TMED8: variants seen among roughly 807,000 people sequenced by gnomAD.
TMED8 encodes protein TMED8.
In TMED8, 15 loss-of-function variants were observed where a neutral mutation model predicts 32.7. The observed-to-expected ratio is 0.46, with a 90% CI of 0.31 to 0.71. TMED8 has a LOEUF of 0.71. Among genes scored for constraint, TMED8 ranks in the 30% least tolerant of loss-of-function variants. The pLI, the probability that TMED8 is intolerant of heterozygous loss-of-function variation, is 0.06. For missense variants in TMED8, 390 were observed against 423.9 expected (o/e 0.92, Z 0.70); for synonymous variants, 147 against 161.4 (o/e 0.91, Z 0.68).
In TMED8 at chr14:77,346,760, GTTTTTTTTT is replaced by G; in HGVS notation, c.198-291_198-283del. Among the ~76,000 whole-genome samples, 9 of 69,442 alleles carry G rather than the reference GTTTTTTTTT, an allele frequency of 1.3e-4. No individual in the cohort carries two copies. The East Asian group carries it at 2.7e-3, about 21-fold the overall frequency. The allele number at this position is 69,442 out of a possible 152,430, so 45.6% of individuals were successfully genotyped here. A position where few individuals can be genotyped will look rare whatever the true frequency, so the allele number is the denominator to read the frequency against. On this transcript the variant is annotated intron_variant, in intron 2 of 5. Transcript: ENST00000216468. ...TCATCTGAGATGGACTGCTGGTCTG[GTTTTTTTTT>G]TTTTTTTTTTTTTTTGTCATTGTTG... is the stretch of plus-strand genomic sequence containing the variant.
At chr14:77,372,935 T>C (rs1594856638) in intron 1 of TMED8, among the ~76,000 whole-genome samples, 1 of 33,748 alleles carries the variant, frequency 3.0e-5, no homozygotes, top group Middle Eastern at 7.2e-3. Context: ...TATATATATA[T>C]ATATATATAT....
Position 77,341,935 on chromosome 14 carries a change from G to A in TMED8, c.814C>T (p.Arg272Cys), listed in dbSNP as rs767490475. 23 of 1,613,902 alleles carry A rather than the reference G, an allele frequency of 1.4e-5. No individual in the cohort carries two copies. Among genetic ancestry groups the A allele is most frequent in the African/African-American group, 2.7e-5 (2 of 74,912 alleles). Residue 272 changes from arginine to cysteine, a missense_variant, in exon 6 of 6, where the codon CGC becomes TGC. By Grantham distance (180) the Arg-to-Cys change is radical (BLOSUM62 -3). Coordinates refer to ENST00000216468, the MANE Select transcript of TMED8 (RefSeq NM_213601.3). Reference protein sequence around the residue: ...ERGSRSSLRGRYGEVMPVYRR... With the variant: ...ERGSRSSLRGCYGEVMPVYRR... ...TACACAGGCATGACCTCCCCATAGC[G>A]ACCCCGCAAGGAGCTCCTGGAGCCT...
Position 77,337,704 on chromosome 14 carries a change from T to C in TMED8, c.*4067A>G, listed in dbSNP as rs550879146. 1.3e-5 allele frequency: 2 copies of C among 152,322 alleles called. No homozygotes were observed. The highest frequency in any genetic ancestry group is 4.1e-4 in the South Asian group (2 of 4,830). 9.4% of individuals were successfully genotyped at this position (152,322 alleles called of 1,614,324 possible). ...CGGCGCCTGGCCTCCAAGAAACATT[T>C]TTATGAAGACCACCTCCTGGGTAAC... On this transcript the variant is annotated 3_prime_UTR_variant, in exon 6 of 6. Transcript: ENST00000216468.
At chr14:77,355,775 T>C (rs1462352230) in intron 1 of TMED8, among the ~76,000 whole-genome samples, 2 of 152,198 alleles carry the variant, frequency 1.3e-5, no homozygotes, top group East Asian at 1.9e-4. Context: ...GCAGTTCCTA[T>C]GATCAAGGTA....
Position 77,343,681 on chromosome 14 carries a change from C to T in TMED8, c.454+16G>A. On this transcript the variant is annotated intron_variant, in intron 4 of 5. Coordinates refer to ENST00000216468, the MANE Select transcript of TMED8 (RefSeq NM_213601.3). ...TACTGGAAACAAACCACCTCCTTTA[C>T]TCCCAAAGGTCTCACCTTTCCTGTG... The T allele has an allele frequency of 6.2e-7, 1 of 1,613,968 alleles. No homozygotes were observed. Among genetic ancestry groups the T allele is most frequent in the Non-Finnish European group, 8.5e-7 (1 of 1,179,938 alleles).
In TMED8 at chr14:77,352,443, T is replaced by TA. The variant is rs201514651; in HGVS notation, c.119-693dup. 5.7e-3 allele frequency among the ~76,000 whole-genome samples: 758 copies of TA among 133,572 alleles called. 2 individuals are homozygous for TA. The highest frequency in any genetic ancestry group is 0.019 in the African/African-American group (680 of 35,784). The allele number at this position is 133,572 out of a possible 152,430, so 87.6% of individuals were successfully genotyped here. A position where few individuals can be genotyped will look rare whatever the true frequency, so the allele number is the denominator to read the frequency against. ...AATAATAATAATAAATTTTAAAAAT[T>TA]AAAAAAAAAATAGGGCCAGGCACGG... On this transcript the variant is annotated intron_variant, in intron 1 of 5. Transcript: ENST00000216468.
intron 1 of TMED8, among the ~76,000 whole-genome samples, chr14:77,362,678 C>T (rs567281170): frequency 1.3e-5 from 2 of 152,052 alleles, no homozygotes; most frequent in Admixed American, 6.5e-5. Flanking sequence ...TTAGAAGACA[C>T]CGAGTGGGTG....
rs1594846675 is a variant in TMED8 at position 77,354,563 on chromosome 14, T to TA, written c.119-2813dup. Among the ~76,000 whole-genome samples the TA allele has an allele frequency of 2.6e-5, 4 of 151,938 alleles. No homozygotes were observed. In the East Asian group the frequency reaches 7.7e-4, roughly 29 times the overall value. The stretch of plus-strand genomic sequence containing the variant: ...TATACAGATAATCCATTGTTCACTG[T>TA]AAAAAAAATAAATCAGGAAATACAG... On this transcript the variant is annotated intron_variant, in intron 1 of 5. Transcript: ENST00000216468.
At chr14:77,354,264 G>A (rs1389514903) in intron 1 of TMED8, among the ~76,000 whole-genome samples, 1 of 152,102 alleles carries the variant, frequency 6.6e-6, no homozygotes, top group African/African-American at 2.4e-5. Flanking sequence ...CAAACTTACT[G>A]TTGGCCTAAA....
In TMED8 at chr14:77,335,378, A is replaced by C. The variant is rs1349831923; in HGVS notation, c.*6393T>G. 5.3e-5 allele frequency: 8 copies of C among 152,224 alleles called. No individual in the cohort carries two copies. The highest frequency in any genetic ancestry group is 1.2e-4 in the African/African-American group (5 of 41,458). 9.4% of individuals were successfully genotyped at this position (152,224 alleles called of 1,614,324 possible). A position where few individuals can be genotyped will look rare whatever the true frequency, so the allele number is the denominator to read the frequency against. ...GTTGGGATACTTTTGTATTTTAAAG[A>C]AAAAAGATAAAACAGTGACACGGTT... On this transcript the variant is annotated 3_prime_UTR_variant, in exon 6 of 6. Coordinates refer to ENST00000216468, the MANE Select transcript of TMED8 (RefSeq NM_213601.3).
intron 2 of TMED8, among the ~76,000 whole-genome samples, chr14:77,346,694 A>G (rs1893044555): frequency 6.7e-6 from 1 of 149,922 alleles, no homozygotes; most frequent in African/African-American, 2.4e-5. Flanking sequence ...TAACAAGGCC[A>G]GGTCAAAGGC....
At chr14:77,371,436 T>C (rs1310356721) in intron 1 of TMED8, among the ~76,000 whole-genome samples, 14 of 152,272 alleles carry the variant, frequency 9.2e-5, no homozygotes, top group Admixed American at 9.2e-4. Context: ...CAACTTAATG[T>C]ATACTGGAAA....
In TMED8 at chr14:77,376,280, C is replaced by A. The variant is rs1893812661; in HGVS notation, c.118+656G>T. Among the ~76,000 whole-genome samples, 1 of 152,212 alleles carries A rather than the reference C, an allele frequency of 6.6e-6. No homozygotes were observed. Among genetic ancestry groups the A allele is most frequent in the African/African-American group, 2.4e-5 (1 of 41,460 alleles). On this transcript the variant is annotated intron_variant, in intron 1 of 5. Transcript: ENST00000216468. This position sits in a 1 kb window ranked among gnomAD's most constrained non-coding sequence, Gnocchi z 4.0. ...GGGTCTTGAGAATGAGGGAGGTAGG[C>A]CAAATTTTTAATTCCTGCTCTTGCT... is the stretch of plus-strand genomic sequence containing the variant.
chr14:77,341,947 A>T lies in TMED8; in HGVS notation c.802T>A (p.Ser268Thr), dbSNP rs757430034. 6.2e-7 allele frequency: 1 copy of T among 1,614,032 alleles called. No individual in the cohort carries two copies. Among genetic ancestry groups the T allele is most frequent in the Admixed American group, 1.7e-5 (1 of 60,016 alleles). Residue 268 changes from serine to threonine, a missense_variant, in exon 6 of 6, where the codon TCC (serine) becomes ACC (threonine). By Grantham distance (58) the Ser-to-Thr change is moderately conservative. Transcript: ENST00000216468. ...AGDVERGSRS[S>T]LRGRYGEVMP... ...ACCTCCCCATAGCGACCCCGCAAGGAGCTCCTGGAGCCTCTCTCCACATCT... is the reference window on the plus strand; with the variant it reads ...ACCTCCCCATAGCGACCCCGCAAGGTGCTCCTGGAGCCTCTCTCCACATCT...
intron 1 of TMED8, among the ~76,000 whole-genome samples, chr14:77,357,948 AC>A (rs1316057326): frequency 6.6e-6 from 1 of 151,728 alleles, no homozygotes; most frequent in Non-Finnish European, 1.5e-5. Flanking sequence ...ACATGGTGAA[AC>A]CCCATCTCTA....
At chr14:77,368,705 G>A (rs760826066) in intron 1 of TMED8, among the ~76,000 whole-genome samples, 7 of 152,122 alleles carry the variant, frequency 4.6e-5, no homozygotes, top group Non-Finnish European at 1.0e-4. Flanking sequence ...TCGAACTCCT[G>A]ACCTCATGAT....
rs1411138683 is a variant in TMED8 at position 77,377,029 on chromosome 14, C to T, written c.25G>A (p.Gly9Arg). MSDLQAAEGPGSWSPTARP... is the reference protein window; with the variant it reads MSDLQAAERPGSWSPTARP... Reference sequence around the variant, plus strand: ...GCTGTGGGGCTCCAGGAGCCCGGCCCCTCAGCCGCCTGCAGGTCAGACATC... The same window carrying T: ...GCTGTGGGGCTCCAGGAGCCCGGCCTCTCAGCCGCCTGCAGGTCAGACATC... The change falls in exon 1 of 6, where the codon GGG becomes AGG. Residue 9 changes from glycine to arginine, a missense_variant. By Grantham distance (125) the Gly-to-Arg change is moderately radical. Coordinates refer to ENST00000216468, the MANE Select transcript of TMED8 (RefSeq NM_213601.3). 6.5e-6 allele frequency: 9 copies of T among 1,386,836 alleles called. No homozygotes were observed. The African/African-American group carries it at 1.2e-4, about 19-fold the overall frequency. The allele number at this position is 1,386,836 out of a possible 1,614,324, so 85.9% of individuals were successfully genotyped here.
intron 1 of TMED8, chr14:77,360,057 A>G (rs1213722512): frequency 6.5e-6 from 1 of 152,684 alleles, no homozygotes; most frequent in African/African-American, 2.4e-5. Flanking sequence ...TAAGGTGTAC[A>G]ACATAATGTT....
At position 77,377,032 on chromosome 14, in the gene TMED8, C is replaced by T; in HGVS notation, c.22G>A (p.Glu8Lys). Residue 8 changes from glutamate to lysine, a missense_variant, in exon 1 of 6, where the codon GAG becomes AAG. Glu to Lys is a moderately conservative substitution (Grantham distance 56, BLOSUM62 1). Transcript: ENST00000216468. ...GTGGGGCTCCAGGAGCCCGGCCCCT[C>T]AGCCGCCTGCAGGTCAGACATCTGC... MSDLQAA[E>K]GPGSWSPTAR... 1 of 1,384,592 alleles carries T rather than the reference C, an allele frequency of 7.2e-7. No individual in the cohort carries two copies. Among genetic ancestry groups the T allele is most frequent in the East Asian group, 3.0e-5 (1 of 32,960 alleles). The allele number at this position is 1,384,592 out of a possible 1,614,324, so 85.8% of individuals were successfully genotyped here.
Sources: gnomAD v4.1 joint callset for allele counts (sites outside exome capture counted in the v4.1 genomes callset) on GRCh38, gnomAD v4.1.1 for gene constraint, Gnocchi (gnomAD v3.1) non-coding constraint, MANE v1.5 for transcripts, NCBI Gene and HGNC (gene_info 2026-07-23, HGNC 2026-07-21) for gene names.